The following DNAH11 variants were observed in gnomAD, a reference collection of about 807,000 sequenced individuals.
DNAH11 encodes the protein dynein axonemal heavy chain 11, also known as axonemal beta dynein heavy chain 11.
Under a neutral mutation model 526.0 loss-of-function variants are expected in DNAH11, and 442 were observed. The observed-to-expected ratio is 0.84, with a 90% CI of 0.78 to 0.91. The LOEUF (loss-of-function observed/expected upper bound fraction) is 0.91, where lower values mean the gene tolerates loss of function less well. Among genes scored for constraint, DNAH11 ranks in the 40% least tolerant of loss-of-function variants. The pLI, the probability that DNAH11 is intolerant of heterozygous loss-of-function variation, is 0.00. For missense variants in DNAH11, 6,989 were observed against 5,448.7 expected, an observed-to-expected ratio of 1.28 and a Z score of -8.90; for synonymous variants, 2,461 against 1,935.9, an observed-to-expected ratio of 1.27 and a Z score of -7.12.
At position 21,682,475 on chromosome 7, in the gene DNAH11, G is replaced by A. The variant is rs564706079; in HGVS notation, c.5460+798G>A. Among the ~76,000 whole-genome samples, 10 of 147,210 alleles carry A rather than the reference G, an allele frequency of 6.8e-5. No homozygotes were observed. In the East Asian group the frequency reaches 1.4e-3, roughly 21 times the overall value. ...CAGGAGGCAGAGGTTGCAGTGAGCC[G>A]AGATGGCGCCACTGCACTCCAGCCT... On this transcript the variant is annotated intron_variant, in intron 31 of 81. Coordinates refer to ENST00000409508, the MANE Select transcript of DNAH11 (RefSeq NM_001277115.2).
intron 25 of DNAH11, among the ~76,000 whole-genome samples, chr7:21,635,286 A>G (rs1406436193): frequency 2.6e-5 from 4 of 152,150 alleles, no homozygotes; most frequent in African/African-American, 9.7e-5. Context: ...CCTCCCAGGT[A>G]GCTGGGACTA....
At chr7:21,779,225 G>A in intron 57 of DNAH11, 121 bp downstream of exon 57, 1 of 1,224,804 alleles carries the variant, frequency 8.2e-7, no homozygotes. Flanking sequence ...AATTATTATA[G>A]TTACACATGT....
chr7:21,869,565 C>G (rs1317558440), intron 73 of DNAH11, among the ~76,000 whole-genome samples: 1 of 152,062 alleles, frequency 6.6e-6, no homozygotes, highest in Non-Finnish European at 1.5e-5. Flanking sequence ...GATTGAATAC[C>G]AGGCCACTGC....
At chr7:21,594,096 ACACT>A in intron 14 of DNAH11, among the ~76,000 whole-genome samples, 1 of 150,078 alleles carries the variant, frequency 6.7e-6, no homozygotes. Context: ...ACACACACAC[ACACT>A]CTGAAGCCAT....
rs1173183119 is a variant in DNAH11 at position 21,615,220 on chromosome 7, G to A, written c.3959G>A (p.Arg1320His). Residue 1320 changes from arginine (R) to histidine (H), a missense_variant, in exon 21 of 82, where the codon CGC (arginine) becomes CAC (histidine). Physicochemically the swap from Arg to His is conservative, Grantham distance 29 (BLOSUM62 0). Transcript: ENST00000409508. ...LPEYKQMKQC[R>H]KEIKLLKGLW... Reference sequence around the variant, plus strand: ...GAGTACAAACAAATGAAACAGTGTCGCAAAGAAATAAAATTGCTCAAGGGA... The same window carrying A: ...GAGTACAAACAAATGAAACAGTGTCACAAAGAAATAAAATTGCTCAAGGGA... 12 of 1,613,130 alleles carry A rather than the reference G, an allele frequency of 7.4e-6. No homozygotes were observed. The highest frequency in any genetic ancestry group is 3.3e-5 in the Admixed American group (2 of 59,930).
intron 57 of DNAH11, among the ~76,000 whole-genome samples, chr7:21,782,675 G>A (rs1284789028): frequency 6.6e-6 from 1 of 152,268 alleles, no homozygotes; most frequent in East Asian, 1.9e-4. Context: ...ACTTTGAGAG[G>A]CTGAAGCAGG....
intron 28 of DNAH11, among the ~76,000 whole-genome samples, chr7:21,654,741 G>A (rs1233300305): frequency 2.6e-5 from 4 of 151,894 alleles, no homozygotes; most frequent in Non-Finnish European, 5.9e-5. Flanking sequence ...CTTCTTCTGG[G>A]CCGCCCCTGC....
chr7:21,869,211 C>G (rs1179532999), intron 73 of DNAH11, among the ~76,000 whole-genome samples: 1 of 152,168 alleles, frequency 6.6e-6, no homozygotes. Context: ...CCATTGTACT[C>G]TAAAATTAAA....
chr7:21,698,022 T>G (rs971451950), intron 35 of DNAH11, 53 bp from the exon 36 acceptor site: 1 of 1,548,462 alleles, frequency 6.5e-7, no homozygotes, highest in Admixed American at 2.0e-5. Context: ...TTCAGCAATT[T>G]GTACTTATCA....
chr7:21,738,387 G>A (rs1458721694), intron 46 of DNAH11, among the ~76,000 whole-genome samples: 1 of 152,258 alleles, frequency 6.6e-6, no homozygotes, highest in East Asian at 1.9e-4. Context: ...GAATGGGTAC[G>A]GGGGAGGAAG....
intron 2 of DNAH11, 108 bp downstream of exon 2, chr7:21,545,257 A>C: frequency 2.3e-6 from 1 of 425,578 alleles, no homozygotes; most frequent in Non-Finnish European, 3.7e-6. Context: ...AGGGGAAGGG[A>C]AGGGGATGGG....
chr7:21,727,070 A>C (rs1402929937), intron 45 of DNAH11, among the ~76,000 whole-genome samples: 1 of 148,770 alleles, frequency 6.7e-6, no homozygotes, highest in African/African-American at 2.5e-5. Flanking sequence ...AGTAGCTGGA[A>C]CTACAGGTGC....
intron 57 of DNAH11, among the ~76,000 whole-genome samples, chr7:21,782,767 G>C (rs1441412198): frequency 3.9e-5 from 6 of 152,004 alleles, no homozygotes. Context: ...AAAATCAGCC[G>C]GGTGTAGTGG....
chr7:21,558,319 TAGA>T (rs1279038887), intron 2 of DNAH11, among the ~76,000 whole-genome samples: 1 of 152,222 alleles, frequency 6.6e-6, no homozygotes, highest in African/African-American at 2.4e-5. Context: ...CGTTTCATGG[TAGA>T]AGGAGTTCTG....
intron 15 of DNAH11, 63 bp from the exon 16 acceptor site, chr7:21,600,613 T>C (rs1785042060): frequency 4.7e-6 from 7 of 1,488,872 alleles, no homozygotes; most frequent in Non-Finnish European, 6.3e-6. Context: ...AATGTTATGT[T>C]GTAGATAATT....
chr7:21,594,063 TACACACAC>T (rs59727118), intron 14 of DNAH11, among the ~76,000 whole-genome samples: 2,817 of 137,606 alleles, frequency 0.02, 99 homozygotes, highest in African/African-American at 0.07. Context: ...CATACACACA[TACACACAC>T]ACACACACAC....
intron 2 of DNAH11, among the ~76,000 whole-genome samples, chr7:21,555,973 G>A (rs763001699): frequency 6.6e-6 from 1 of 152,096 alleles, no homozygotes; most frequent in Non-Finnish European, 1.5e-5. Context: ...TTTTAATGGC[G>A]GTCTTGCAAG....
intron 11 of DNAH11, 136 bp from the exon 12 acceptor site, chr7:21,589,072 A>G (rs1474537812): frequency 1.6e-6 from 1 of 607,794 alleles, no homozygotes. Context: ...TAATACGCAC[A>G]TAATTTGGTC....
chr7:21,901,056 G>A lies in DNAH11; in HGVS notation c.13353G>A (p.Lys4451=), dbSNP rs1437617153. The A allele has an allele frequency of 3.7e-6, 6 of 1,613,380 alleles. No individual in the cohort carries two copies. Among genetic ancestry groups the A allele is most frequent in the South Asian group, 1.1e-5 (1 of 90,956 alleles). Residue 4451 remains lysine, a synonymous_variant, in exon 82 of 82, where the codon AAG becomes AAA. Coordinates refer to ENST00000409508, the MANE Select transcript of DNAH11 (RefSeq NM_001277115.2). ...QAGTIVEARL[K]ELACPMPVIF... ...GAACCATTGTTGAAGCCCGTCTCAAGGAGCTGGCATGCCCTATGCCGGTCA... is the reference window on the plus strand; with the variant it reads ...GAACCATTGTTGAAGCCCGTCTCAAAGAGCTGGCATGCCCTATGCCGGTCA...
Sources: allele counts gnomAD v4.1 joint callset (sites outside exome capture counted in the v4.1 genomes callset), GRCh38; gene constraint gnomAD v4.1.1; transcripts MANE v1.5; gene names NCBI Gene and HGNC (gene_info 2026-07-23, HGNC 2026-07-21).